TEX14: variants seen among roughly 807,000 people sequenced by gnomAD.
TEX14 encodes inactive serine/threonine-protein kinase TEX14.
A neutral mutation model predicts 178.6 loss-of-function variants in TEX14; 168 were observed. The observed-to-expected ratio is 0.94, with a 90% CI of 0.83 to 1.07. The LOEUF (loss-of-function observed/expected upper bound fraction) is 1.07, where lower values mean the gene tolerates loss of function less well. Among genes scored for constraint, TEX14 ranks in the 50% least tolerant of loss-of-function variants. The pLI is 0.00. For missense variants in TEX14, 1,730 were observed against 1,753.6 expected, an observed-to-expected ratio of 0.99 and a Z score of 0.24; for synonymous variants, 626 against 634.1, an observed-to-expected ratio of 0.99 and a Z score of 0.19.
chr17:58,605,352 G>T (rs934168109), intron 10 of TEX14, among the ~76,000 whole-genome samples: 1 of 152,166 alleles, frequency 6.6e-6, no homozygotes, highest in Admixed American at 6.5e-5. Flanking sequence ...GTGTCACCAG[G>T]CCCGGCTAAT....
Position 58,630,572 on chromosome 17 carries a change from G to A in TEX14, c.137-18C>T. ...ATAAATTCCTGCAAAGGAAATATCA[G>A]AATCAATGCAAATATCAGAAAATTT... On this transcript the variant is annotated intron_variant, in intron 2 of 31. Transcript: ENST00000349033. The A allele has an allele frequency of 6.4e-7, 1 of 1,571,302 alleles. No homozygotes were observed. The highest frequency in any genetic ancestry group is 2.2e-5 in the East Asian group (1 of 44,642).
chr17:58,631,278 A>T, intron 2 of TEX14: 1 of 200,490 alleles, frequency 5.0e-6, no homozygotes, highest in Non-Finnish European at 8.9e-6. Context: ...CCTGGCCAAC[A>T]AGGCGAAATC....
chr17:58,560,071 A>G (rs1322616848), intron 29 of TEX14, among the ~76,000 whole-genome samples: 2 of 152,196 alleles, frequency 1.3e-5, no homozygotes, highest in Non-Finnish European at 2.9e-5. Context: ...TTGTCAATCT[A>G]TTAAGCAGAA....
At chr17:58,628,484 G>A (rs1295133335) in intron 3 of TEX14, among the ~76,000 whole-genome samples, 1 of 152,108 alleles carries the variant, frequency 6.6e-6, no homozygotes, top group African/African-American at 2.4e-5. Flanking sequence ...AGGCTAAGGC[G>A]GGCGGATCAT....
rs768273809 is a variant in TEX14, at chr17:58,585,960, G to C, written c.2911C>G (p.Pro971Ala). 17 of 1,613,978 alleles carry C rather than the reference G, an allele frequency of 1.1e-5. No individual in the cohort carries two copies. Among genetic ancestry groups the C allele is most frequent in the African/African-American group, 2.7e-5 (2 of 74,876 alleles). Residue 971 changes from proline (P) to alanine (A), a missense_variant, in exon 18 of 32, where the codon CCC becomes GCC. Physicochemically the swap from Pro to Ala is conservative, Grantham distance 27 (BLOSUM62 -1). Around this residue, in one of 2 missense-constraint regions of TEX14, gnomAD observed 941 missense variants for 1,072.4 expected, o/e 0.88. Transcript: ENST00000349033. ...GTGTTTTCTGGGCTCCTAATGGGGGGCTGCAGCAGGGCGTCGGGCTCATTT... is the reference window on the plus strand; with the variant it reads ...GTGTTTTCTGGGCTCCTAATGGGGGCCTGCAGCAGGGCGTCGGGCTCATTT... ...AENEPDALLQ[P>A]PIRSPENTDW... is the part of the protein sequence containing the mutation.
intron 1 of TEX14, among the ~76,000 whole-genome samples, chr17:58,659,753 A>G (rs2047067916): frequency 6.6e-6 from 1 of 152,110 alleles, no homozygotes; most frequent in African/African-American, 2.4e-5. Flanking sequence ...GTGCTTTTCA[A>G]TGGCGTGATC....
intron 24 of TEX14, among the ~76,000 whole-genome samples, chr17:58,570,738 G>C (rs1032709786): frequency 1.4e-5 from 2 of 145,364 alleles, no homozygotes; most frequent in Admixed American, 1.5e-4. Flanking sequence ...CAATTCTCCT[G>C]CCTCAGCCTC....
At chr17:58,645,272 G>A (rs1347236529) in intron 2 of TEX14, among the ~76,000 whole-genome samples, 1 of 152,114 alleles carries the variant, frequency 6.6e-6, no homozygotes, top group Non-Finnish European at 1.5e-5. Context: ...ACAGGCGTGA[G>A]CCACCATGCC....
intron 1 of TEX14, among the ~76,000 whole-genome samples, chr17:58,669,483 G>A (rs1456131614): frequency 1.3e-5 from 2 of 151,876 alleles, no homozygotes; most frequent in Admixed American, 6.6e-5. Context: ...CTGTAATCCT[G>A]ACACTTTCGG....
intron 14 of TEX14, among the ~76,000 whole-genome samples, chr17:58,596,456 AT>A (rs1037832010): frequency 1.3e-5 from 2 of 152,034 alleles, no homozygotes; most frequent in Admixed American, 6.6e-5. Context: ...TAATTTTGAT[AT>A]CTTTTGTAGA....
Position 58,577,363 on chromosome 17 carries a change from A to T in TEX14, c.3320+12T>A. On this transcript the variant is annotated intron_variant, in intron 21 of 31. Transcript: ENST00000349033. ...TGAGTTTGAAACTGCATAAGATAAT[A>T]ATAGCCCATACCTTCGTACAGGTTG... 1 of 1,235,352 alleles carries T rather than the reference A, an allele frequency of 8.1e-7. No homozygotes were observed. Among genetic ancestry groups the T allele is most frequent in the Non-Finnish European group, 1.1e-6 (1 of 896,456 alleles). 76.5% of individuals were successfully genotyped at this position (1,235,352 alleles called of 1,614,324 possible).
In TEX14 at chr17:58,629,152, C is replaced by A. The variant is rs138374500; in HGVS notation, c.251+1288G>T. 2.5e-3 allele frequency among the ~76,000 whole-genome samples: 374 copies of A among 152,246 alleles called. 1 individual carries two copies. Among genetic ancestry groups the A allele is most frequent in the Non-Finnish European group, 3.5e-3 (237 of 68,016 alleles). On this transcript the variant is annotated intron_variant, in intron 3 of 31. Coordinates refer to ENST00000349033, the MANE Select transcript of TEX14 (RefSeq NM_031272.5). ...TATTTGAGAAGGCCCTAGCAAAAGC[C>A]GAAGTGCTTCACAAAAAGAGATGTT...
chr17:58,655,110 TGCAGCCATTCTCCTGCCTCC>T (rs1436472371), intron 1 of TEX14, among the ~76,000 whole-genome samples: 1 of 149,856 alleles, frequency 6.7e-6, no homozygotes, highest in African/African-American at 2.5e-5. Flanking sequence ...ATGGCTGAAG[TGCAGCCATTCTCCTGCCTCC>T]GCTTCCTGGG....
rs2045568950 is a variant in TEX14 at position 58,604,914 on chromosome 17, T to C, written c.1336+64A>G. On this transcript the variant is annotated intron_variant, in intron 11 of 31. Transcript: ENST00000349033. ...TTTTCATAAAAGTCAGTAACTCCTG[T>C]GGGGGGAGAAAAATGCAACCTAAGA... The C allele has an allele frequency of 5.8e-6, 9 of 1,559,132 alleles. No individual in the cohort carries two copies. In the African/African-American group the frequency reaches 8.1e-5, roughly 14 times the overall value.
At chr17:58,580,592 G>C (rs2044789025) in intron 19 of TEX14, among the ~76,000 whole-genome samples, 1 of 152,116 alleles carries the variant, frequency 6.6e-6, no homozygotes, top group South Asian at 2.1e-4. Flanking sequence ...TTACAGGCGT[G>C]AGCTACCGCG....
rs1362353830 is a variant in TEX14, at chr17:58,649,166, G to A, written c.136+2700C>T. The stretch of plus-strand genomic sequence containing the variant: ...GCAATCTCGGCTCACGGCAACCTCC[G>A]CCTCCCAGGTTCAAGTGATTCTCCT... On this transcript the variant is annotated intron_variant, in intron 2 of 31. Transcript: ENST00000349033. Among the ~76,000 whole-genome samples the A allele has an allele frequency of 9.5e-5, 14 of 147,022 alleles. No homozygotes were observed. In the East Asian group the frequency reaches 1.2e-3, roughly 13 times the overall value.
intron 2 of TEX14, among the ~76,000 whole-genome samples, chr17:58,639,040 T>A (rs2046508623): frequency 6.6e-6 from 1 of 150,930 alleles, no homozygotes; most frequent in African/African-American, 2.4e-5. Context: ...ATTTTTTTTT[T>A]ATATTTAGTA....
At chr17:58,597,673 T>C (rs2144462872) in intron 14 of TEX14, among the ~76,000 whole-genome samples, 1 of 152,288 alleles carries the variant, frequency 6.6e-6, no homozygotes, top group East Asian at 1.9e-4. Flanking sequence ...CTAAGGGATC[T>C]TCCAACTCTA....
At chr17:58,620,847 C>T in intron 5 of TEX14, among the ~76,000 whole-genome samples, 1 of 140,612 alleles carries the variant, frequency 7.1e-6, no homozygotes, top group Non-Finnish European at 1.7e-5. Flanking sequence ...CCAAAACTGG[C>T]CAGAGTGGCA....
Sources: allele counts gnomAD v4.1 joint callset (sites outside exome capture counted in the v4.1 genomes callset), GRCh38; gene constraint gnomAD v4.1.1; regional missense constraint gnomAD v4.1.1; transcripts MANE v1.5; gene names NCBI Gene and HGNC (gene_info 2026-07-23, HGNC 2026-07-21).